The following FGF14 variants were observed in gnomAD, a reference collection of about 807,000 sequenced individuals.
FGF14 encodes fibroblast growth factor homologous factor 4.
FGF14 carries 5 observed loss-of-function variants against 25.5 expected under a neutral mutation model. The observed-to-expected ratio is 0.20, with a 90% CI of 0.10 to 0.41. The LOEUF (loss-of-function observed/expected upper bound fraction) is 0.41. FGF14 is among the 10% of genes least tolerant of loss of function. FGF14 has a pLI of 1.00. For synonymous variants in FGF14, 138 were observed against 118.3 expected (o/e 1.17, Z -1.08); for missense variants, 222 against 320.1 (o/e 0.69, Z 2.34).
At chr13:101,860,226 A>C (rs2044344218) in intron 3 of FGF14, among the ~76,000 whole-genome samples, 2 of 152,076 alleles carry the variant, frequency 1.3e-5, no homozygotes, top group Non-Finnish European at 2.9e-5. Flanking sequence ...CTGAAGTCTC[A>C]GCAGAAGTCT....
At chr13:101,784,118 CTT>C (rs2039674110) in intron 3 of FGF14, among the ~76,000 whole-genome samples, 1 of 152,098 alleles carries the variant, frequency 6.6e-6, no homozygotes, top group African/African-American at 2.4e-5. Context: ...TGATTGATCT[CTT>C]TGTTTCCTGA....
At chr13:102,138,872 A>G (rs2046517256) in intron 1 of FGF14, among the ~76,000 whole-genome samples, 1 of 152,154 alleles carries the variant, frequency 6.6e-6, no homozygotes, top group Non-Finnish European at 1.5e-5. Context: ...ATACAGTAAA[A>G]CCGTGTTTTA....
intron 3 of FGF14, among the ~76,000 whole-genome samples, chr13:101,795,120 G>C (rs192391697): frequency 3.9e-5 from 6 of 152,218 alleles, no homozygotes; most frequent in African/African-American, 1.4e-4. Flanking sequence ...GCTGAAAAGC[G>C]CTTGTATTAA....
chr13:102,170,593 G>C (rs1257910968), intron 1 of FGF14, among the ~76,000 whole-genome samples: 1 of 152,124 alleles, frequency 6.6e-6, no homozygotes, highest in Non-Finnish European at 1.5e-5. Flanking sequence ...AATGACCAAG[G>C]ACACAAGGCA....
At chr13:101,773,164 C>T (rs1392774476) in intron 3 of FGF14, among the ~76,000 whole-genome samples, 2 of 152,098 alleles carry the variant, frequency 1.3e-5, no homozygotes, top group East Asian at 1.9e-4. Flanking sequence ...ATTTTCTTCT[C>T]TCCACACTCA....
chr13:101,771,991 A>G (rs1220712549), intron 3 of FGF14, among the ~76,000 whole-genome samples: 2 of 152,062 alleles, frequency 1.3e-5, no homozygotes, highest in Non-Finnish European at 2.9e-5. Context: ...AATAAAATAC[A>G]TAAGTAATAT....
intron 1 of FGF14, among the ~76,000 whole-genome samples, chr13:101,989,300 C>G (rs2038769545): frequency 6.6e-6 from 1 of 151,978 alleles, no homozygotes; most frequent in African/African-American, 2.4e-5. Context: ...CTCCAATTCA[C>G]AAATATAATT....
rs1250142626 is a variant in FGF14, at chr13:102,200,874, G to T, written c.208+200597C>A. ...TCCCAGCACATTGGGAGGACAAGGC[G>T]GGCGGATCATGAGGTCGGGAGATCG... On this transcript the variant is annotated intron_variant, in intron 1 of 4. Transcript: ENST00000376131. Among the ~76,000 whole-genome samples, 7 of 151,874 alleles carry T rather than the reference G, an allele frequency of 4.6e-5. No individual in the cohort carries two copies. The East Asian group carries it at 1.4e-3, about 29-fold the overall frequency.
intron 1 of FGF14, among the ~76,000 whole-genome samples, chr13:102,083,103 A>G (rs1348434499): frequency 6.6e-6 from 1 of 152,190 alleles, no homozygotes; most frequent in African/African-American, 2.4e-5. Context: ...GTGTTCCTTG[A>G]TATCTTTCTA....
At chr13:101,899,237 C>A (rs770635036) in intron 1 of FGF14, among the ~76,000 whole-genome samples, 1 of 152,024 alleles carries the variant, frequency 6.6e-6, no homozygotes, top group Non-Finnish European at 1.5e-5. Flanking sequence ...ACGATAAAAT[C>A]ATAGCTTCTA....
intron 1 of FGF14, among the ~76,000 whole-genome samples, chr13:102,222,884 T>G (rs1236552217): frequency 2.6e-5 from 4 of 152,094 alleles, no homozygotes; most frequent in African/African-American, 9.7e-5. Flanking sequence ...CATACCAAAA[T>G]CCAGGTCAAG....
intron 1 of FGF14, among the ~76,000 whole-genome samples, chr13:102,361,040 G>A (rs901457371): frequency 6.6e-5 from 10 of 152,110 alleles, no homozygotes; most frequent in African/African-American, 2.4e-4. Context: ...TAAAAAAAAA[G>A]AGTGCATGTT....
chr13:102,192,532 T>A (rs1046216486), intron 1 of FGF14, among the ~76,000 whole-genome samples: 4 of 152,182 alleles, frequency 2.6e-5, no homozygotes, highest in Non-Finnish European at 5.9e-5. Flanking sequence ...AACAATTTCT[T>A]CTTCAACTTC....
chr13:101,859,071 A>G (rs2044274630), intron 3 of FGF14, among the ~76,000 whole-genome samples: 1 of 152,118 alleles, frequency 6.6e-6, no homozygotes, highest in African/African-American at 2.4e-5. Context: ...TGCAATTTTA[A>G]CTTGAGAAAT....
chr13:102,098,294 AG>A (rs1158672511), intron 1 of FGF14, among the ~76,000 whole-genome samples: 1 of 152,228 alleles, frequency 6.6e-6, no homozygotes, highest in African/African-American at 2.4e-5. Flanking sequence ...TCGTGTCCCT[AG>A]ATATTTATAA....
intron 1 of FGF14, among the ~76,000 whole-genome samples, chr13:102,088,870 T>C (rs1595232604): frequency 6.6e-6 from 1 of 152,282 alleles, no homozygotes; most frequent in South Asian, 2.1e-4. Flanking sequence ...CTTCATCTAA[T>C]CCTGAAAGTT....
At chr13:102,212,153 T>A (rs1240795027) in intron 1 of FGF14, among the ~76,000 whole-genome samples, 1 of 152,184 alleles carries the variant, frequency 6.6e-6, no homozygotes, top group Non-Finnish European at 1.5e-5. Context: ...TCTTTGTGCA[T>A]CTTATTCCAT....
intron 1 of FGF14, among the ~76,000 whole-genome samples, chr13:102,364,304 G>A (rs993091459): frequency 6.6e-6 from 1 of 152,234 alleles, no homozygotes; most frequent in African/African-American, 2.4e-5. Flanking sequence ...GGATGCTTTA[G>A]CATGACACTA....
At chr13:102,110,861 C>T (rs1427492689) in intron 1 of FGF14, among the ~76,000 whole-genome samples, 3 of 152,134 alleles carry the variant, frequency 2.0e-5, no homozygotes, top group African/African-American at 7.2e-5. Context: ...TTTCTTCCCA[C>T]TTGAAAATAA....
Sources: allele counts gnomAD v4.1 joint callset (sites outside exome capture counted in the v4.1 genomes callset), GRCh38; gene constraint gnomAD v4.1.1; transcripts MANE v1.5; gene names NCBI Gene and HGNC (gene_info 2026-07-23, HGNC 2026-07-21).